Variants in CD46 observed in about 807,000 individuals in gnomAD.
CD46 encodes the protein membrane cofactor protein.
Under a neutral mutation model 53.3 loss-of-function variants are expected in CD46, and 30 were observed. The ratio of observed to expected loss-of-function variants is 0.56; its 90% confidence interval spans 0.42 to 0.76. CD46 has a LOEUF of 0.76. CD46 is among the 30% of genes least tolerant of loss of function. The probability of loss-of-function intolerance (pLI) is 0.00; values close to 1 mark genes in which losing one functional copy is unlikely to be tolerated. For missense variants in CD46, 409 were observed against 463.0 expected (o/e 0.88, Z 1.07); for synonymous variants, 142 against 152.0 (o/e 0.93, Z 0.48).
chr1:207,793,539 A>C lies in CD46; in HGVS notation c.*62A>C, dbSNP rs1277298438. ...TGCAGGAAAGCAGATGGTGGAGCTG[A>C]ATATGCCACTTACCAGACTAAATCA... On this transcript the variant is annotated 3_prime_UTR_variant, in exon 13 of 13. Coordinates refer to ENST00000367042, the MANE Select transcript of CD46 (RefSeq NM_172351.3). 1.9e-6 allele frequency: 3 copies of C among 1,613,928 alleles called. No individual in the cohort carries two copies. The highest frequency in any genetic ancestry group is 2.5e-6 in the Non-Finnish European group (3 of 1,179,796).
At chr1:207,781,355 T>C (rs1352208375) in intron 8 of CD46, among the ~76,000 whole-genome samples, 3 of 152,050 alleles carry the variant, frequency 2.0e-5, no homozygotes, top group Non-Finnish European at 4.4e-5. Context: ...AAATATATGA[T>C]TTACAAATAT....
Position 207,752,240 on chromosome 1 carries a change from C to G in CD46, c.28C>G (p.Pro10Ala). Residue 10 changes from proline (P) to alanine (A), a missense_variant, in exon 1 of 13, where the codon CCC becomes GCC. Transcript: ENST00000367042. The surrounding 1 kb of genome is among the most constrained non-coding windows in gnomAD (Gnocchi z 4.1). Reference sequence around the variant, plus strand: ...GGAGCCTCCCGGCCGCCGCGAGTGTCCCTTTCCTTCCTGGCGCTTTCCTGG... The same window carrying G: ...GGAGCCTCCCGGCCGCCGCGAGTGTGCCTTTCCTTCCTGGCGCTTTCCTGG... MEPPGRREC[P>A]FPSWRFPGLL... 2.5e-6 allele frequency: 4 copies of G among 1,614,086 alleles called. No individual in the cohort carries two copies. The South Asian group carries it at 3.3e-5, about 13-fold the overall frequency.
chr1:207,782,640 C>CTTTTTTTTTTTTT (rs35546891), intron 8 of CD46, among the ~76,000 whole-genome samples: 2 of 62,646 alleles, frequency 3.2e-5, no homozygotes, highest in African/African-American at 7.0e-5. Flanking sequence ...ATTAATCCCT[C>CTTTTTTTTTTTTT]TTTTTTTTTT....
intron 8 of CD46, among the ~76,000 whole-genome samples, chr1:207,781,157 G>A (rs1658697496): frequency 6.7e-6 from 1 of 148,642 alleles, no homozygotes. Flanking sequence ...AAGTAGATAT[G>A]CATACTAGAT....
intron 8 of CD46, among the ~76,000 whole-genome samples, chr1:207,779,214 A>G (rs1658449382): frequency 6.6e-6 from 1 of 152,156 alleles, no homozygotes; most frequent in Admixed American, 6.5e-5. Context: ...TAAATATAGA[A>G]TCATGTTGTC....
Position 207,795,189 on chromosome 1 carries a change from TATAAA to T in CD46, c.*1718_*1722del, listed in dbSNP as rs1210007258. 1.3e-5 allele frequency: 2 copies of T among 152,236 alleles called. No individual in the cohort carries two copies. The highest frequency in any genetic ancestry group is 6.5e-5 in the Admixed American group (1 of 15,288). The allele number at this position is 152,236 out of a possible 1,614,324, so 9.4% of individuals were successfully genotyped here. A position where few individuals can be genotyped will look rare whatever the true frequency, so the allele number is the denominator to read the frequency against. Reference sequence around the variant, plus strand: ...GTATATTCAACCAAATACTTTAATGTATAAAATAAATATTATACAATATACTTGTA... The same window carrying T: ...GTATATTCAACCAAATACTTTAATGTATAAATATTATACAATATACTTGTA... On this transcript the variant is annotated 3_prime_UTR_variant, in exon 13 of 13. Transcript: ENST00000367042.
At position 207,790,264 on chromosome 1, in the gene CD46, C is replaced by T. The variant is rs201231410; in HGVS notation, c.1094C>T (p.Thr365Ile). The change falls in exon 12 of 13, where the codon ACT (threonine) becomes ATT (isoleucine). Residue 365 changes from threonine (T) to isoleucine (I), a missense_variant. By Grantham distance (89) the Thr-to-Ile change is moderately conservative. Coordinates refer to ENST00000367042, the MANE Select transcript of CD46 (RefSeq NM_172351.3). The stretch of plus-strand genomic sequence containing the variant: ...CTTCCTCTGTTCAGCACATACCTAA[C>T]TGATGAGACCCACAGAGAAGTAAAA... Reference protein sequence around the residue: ...QRRKKKGTYLTDETHREVKFT... With the variant: ...QRRKKKGTYLIDETHREVKFT... 24 of 1,580,270 alleles carry T rather than the reference C, an allele frequency of 1.5e-5. No homozygotes were observed. Among genetic ancestry groups the T allele is most frequent in the Admixed American group, 1.0e-4 (6 of 59,984 alleles).
Position 207,782,067 on chromosome 1 carries a change from CT to C in CD46, c.944-1222del, listed in dbSNP as rs1658796832. Among the ~76,000 whole-genome samples the C allele has an allele frequency of 5.3e-5, 8 of 152,058 alleles. No homozygotes were observed. The South Asian group carries it at 1.7e-3, about 31-fold the overall frequency. On this transcript the variant is annotated intron_variant, in intron 8 of 12. Coordinates refer to ENST00000367042, the MANE Select transcript of CD46 (RefSeq NM_172351.3). ...TTTTCCAATCCATAAACACAAGTGT[CT>C]TTCCATTTATTTTATATCTTTAATT...
rs948404780 is a variant in CD46, at chr1:207,752,721, C to T, written c.97+412C>T. ...AGTTTGCCCTGTGTTCCCTTGGTGC[C>T]TTGGTGAGTGGGGTGTTCATTAGGG... On this transcript the variant is annotated intron_variant, in intron 1 of 12. Transcript: ENST00000367042. The surrounding 1 kb of genome is among the most constrained non-coding windows in gnomAD (Gnocchi z 4.1). 6.6e-6 allele frequency among the ~76,000 whole-genome samples: 1 copy of T among 152,082 alleles called. No individual in the cohort carries two copies. Among genetic ancestry groups the T allele is most frequent in the Non-Finnish European group, 1.5e-5 (1 of 68,004 alleles).
At chr1:207,777,292 T>A (rs1658218286) in intron 8 of CD46, among the ~76,000 whole-genome samples, 1 of 152,178 alleles carries the variant, frequency 6.6e-6, no homozygotes, top group Admixed American at 6.5e-5. Flanking sequence ...TGTTAATAGT[T>A]TAGGGTTTCT....
intron 5 of CD46, among the ~76,000 whole-genome samples, chr1:207,765,305 C>G (rs1402002761): frequency 6.6e-6 from 1 of 152,166 alleles, no homozygotes; most frequent in Non-Finnish European, 1.5e-5. Flanking sequence ...CAGAAGGGTA[C>G]TATCTATCTT....
intron 9 of CD46, among the ~76,000 whole-genome samples, chr1:207,784,786 A>G (rs746399756): frequency 6.6e-6 from 1 of 152,194 alleles, no homozygotes; most frequent in Non-Finnish European, 1.5e-5. Context: ...GATGGCAGGA[A>G]GGAGAAGTAT....
At chr1:207,760,268 TAGTG>T (rs1285554648) in intron 4 of CD46, 8 of 153,510 alleles carry the variant, frequency 5.2e-5, no homozygotes, top group African/African-American at 1.4e-4. Context: ...AAAATAAAAT[TAGTG>T]AGAATAGTGG....
At position 207,752,667 on chromosome 1, in the gene CD46, G is replaced by T. The variant is rs1343702578; in HGVS notation, c.97+358G>T. Among the ~76,000 whole-genome samples, 5 of 152,182 alleles carry T rather than the reference G, an allele frequency of 3.3e-5. No individual in the cohort carries two copies. Among genetic ancestry groups the T allele is most frequent in the African/African-American group, 1.2e-4 (5 of 41,442 alleles). Reference sequence around the variant, plus strand: ...GAGTGCACAGGTGCGTGGGAGTGTTGCTAGGGCCCGTGCTGTGTCCGTGGT... The same window carrying T: ...GAGTGCACAGGTGCGTGGGAGTGTTTCTAGGGCCCGTGCTGTGTCCGTGGT... On this transcript the variant is annotated intron_variant, in intron 1 of 12. Coordinates refer to ENST00000367042, the MANE Select transcript of CD46 (RefSeq NM_172351.3). The surrounding 1 kb of genome is among the most constrained non-coding windows in gnomAD (Gnocchi z 4.1).
intron 3 of CD46, 43 bp from the exon 4 acceptor site, chr1:207,759,596 T>C: frequency 9.6e-7 from 1 of 1,040,496 alleles, no homozygotes; most frequent in Admixed American, 1.8e-5. Flanking sequence ...GTGTGTCTTA[T>C]TAATTGCTAT....
At chr1:207,785,775 A>T in intron 11 of CD46, 93 bp downstream of exon 11, 2 of 646,566 alleles carry the variant, frequency 3.1e-6, no homozygotes, top group Admixed American at 3.0e-5. Flanking sequence ...ATTGCATGCT[A>T]TCTTTTTTTT....
chr1:207,778,167 T>C (rs1261681995), intron 8 of CD46, among the ~76,000 whole-genome samples: 1 of 152,144 alleles, frequency 6.6e-6, no homozygotes, highest in East Asian at 1.9e-4. Context: ...TTTAAGTTCC[T>C]GTAAATGCTA....
At chr1:207,779,105 G>C (rs556687329) in intron 8 of CD46, among the ~76,000 whole-genome samples, 1 of 152,134 alleles carries the variant, frequency 6.6e-6, no homozygotes, top group Admixed American at 6.5e-5. Flanking sequence ...TGGTGTATAG[G>C]AATGCTAGTG....
chr1:207,791,117 A>C (rs896083206), intron 12 of CD46, among the ~76,000 whole-genome samples: 2 of 152,250 alleles, frequency 1.3e-5, no homozygotes, highest in African/African-American at 4.8e-5. Context: ...ACAGGAGGAA[A>C]GGGAAAGACA....
Sources: gnomAD v4.1 joint callset for allele counts (sites outside exome capture counted in the v4.1 genomes callset) on GRCh38, gnomAD v4.1.1 for gene constraint, Gnocchi (gnomAD v3.1) non-coding constraint, MANE v1.5 for transcripts, NCBI Gene and HGNC (gene_info 2026-07-23, HGNC 2026-07-21) for gene names.